The following TEKT3 variants were observed in gnomAD, a reference collection of about 807,000 sequenced individuals.
The protein encoded by TEKT3 is tektin 3.
A neutral mutation model predicts 49.8 loss-of-function variants in TEKT3; 49 were observed. The observed-to-expected ratio is 0.98, with a 90% CI of 0.78 to 1.25. The LOEUF (loss-of-function observed/expected upper bound fraction) is 1.25, where lower values mean the gene tolerates loss of function less well. Ranked by LOEUF, TEKT3 falls within the 50% of genes most tolerant of loss-of-function variation. The pLI, the probability that TEKT3 is intolerant of heterozygous loss-of-function variation, is 0.00. For missense variants in TEKT3, 595 were observed against 629.5 expected, an observed-to-expected ratio of 0.95 and a Z score of 0.59; for synonymous variants, 225 against 237.2, an observed-to-expected ratio of 0.95 and a Z score of 0.47.
chr17:15,331,591 C>T lies in TEKT3; in HGVS notation c.-6G>A, dbSNP rs891249989. On this transcript the variant is annotated 5_prime_UTR_variant, in exon 3 of 9. Transcript: ENST00000395930. Reference sequence around the variant, plus strand: ...GTACAACCTACACGTTCCATGATGCCAAAACACTATTTGTAAATCTCTCCT... The same window carrying T: ...GTACAACCTACACGTTCCATGATGCTAAAACACTATTTGTAAATCTCTCCT... 1.3e-5 allele frequency: 20 copies of T among 1,596,140 alleles called. No individual in the cohort carries two copies. The highest frequency in any genetic ancestry group is 1.7e-5 in the Non-Finnish European group (20 of 1,170,182).
chr17:15,336,795 T>G (rs1052319841), intron 2 of TEKT3, among the ~76,000 whole-genome samples: 1 of 152,172 alleles, frequency 6.6e-6, no homozygotes, highest in South Asian at 2.1e-4. Context: ...AACTTTAGAA[T>G]AGCCAGTTCT....
Position 15,309,928 on chromosome 17 carries a change from A to G in TEKT3, c.1102-1110T>C, listed in dbSNP as rs145011294. Among the ~76,000 whole-genome samples, 5 of 152,244 alleles carry G rather than the reference A, an allele frequency of 3.3e-5. No homozygotes were observed. The East Asian group carries it at 9.7e-4, about 29-fold the overall frequency. On this transcript the variant is annotated intron_variant, in intron 7 of 8. Transcript: ENST00000395930. ...ACTACTCCTCATTCCCTTCCAGTGC[A>G]AGGCTTTGTCCTTGGGTGATGTCTC...
rs150849106 is a variant in TEKT3 at position 15,308,673 on chromosome 17, G to C, written c.1247C>G (p.Ala416Gly). ...TCCCCTCCCACCTTACCGTAGCTGA[G>C]CCATGTCTCGGCACAACTCAATGTT... ...RPNIELCRDM[A>G]QLRLVNEVHE... The change falls in exon 8 of 9, where the codon GCT becomes GGT. Residue 416 changes from alanine (A) to glycine (G), a missense_variant. Transcript: ENST00000395930. 5.8e-5 allele frequency: 93 copies of C among 1,607,144 alleles called. No homozygotes were observed. The highest frequency in any genetic ancestry group is 7.2e-5 in the Non-Finnish European group (85 of 1,175,390).
intron 5 of TEKT3, 102 bp downstream of exon 5, chr17:15,318,973 CTG>C (rs147287710): frequency 1.5e-4 from 126 of 850,258 alleles, no homozygotes; most frequent in Admixed American, 2.8e-4. Flanking sequence ...GTGTATATGC[CTG>C]TGTGTGTGTC....
At chr17:15,309,042 T>C (rs992744621) in intron 7 of TEKT3, among the ~76,000 whole-genome samples, 1 of 152,038 alleles carries the variant, frequency 6.6e-6, no homozygotes, top group African/African-American at 2.4e-5. Flanking sequence ...GGCGCCTCTC[T>C]CCCCAACCCT....
intron 2 of TEKT3, among the ~76,000 whole-genome samples, chr17:15,335,949 T>C (rs1911962401): frequency 6.6e-6 from 1 of 152,014 alleles, no homozygotes; most frequent in Non-Finnish European, 1.5e-5. Context: ...TGGTAACCTA[T>C]GGTGCAATAG....
Position 15,303,897 on chromosome 17 carries a change from C to T in TEKT3, c.*39G>A, listed in dbSNP as rs11659076. 3 of 1,589,804 alleles carry T rather than the reference C, an allele frequency of 1.9e-6. No homozygotes were observed. The highest frequency in any genetic ancestry group is 2.6e-6 in the Non-Finnish European group (3 of 1,159,438). On this transcript the variant is annotated 3_prime_UTR_variant, in exon 9 of 9. Coordinates refer to ENST00000395930, the MANE Select transcript of TEKT3 (RefSeq NM_031898.3). Reference sequence around the variant, plus strand: ...TGCTGAGACAGTGCTCTGGCTCAGCCTTAACTTAGGGGTATCAAAACCACA... The same window carrying T: ...TGCTGAGACAGTGCTCTGGCTCAGCTTTAACTTAGGGGTATCAAAACCACA...
At chr17:15,313,991 C>T in intron 6 of TEKT3, 96 bp downstream of exon 6, 2 of 1,559,688 alleles carry the variant, frequency 1.3e-6, no homozygotes, top group Non-Finnish European at 1.7e-6. Context: ...AGATATCTTA[C>T]CTTGCTTTCC....
intron 4 of TEKT3, among the ~76,000 whole-genome samples, chr17:15,324,593 G>T (rs1422190666): frequency 6.6e-6 from 1 of 151,974 alleles, no homozygotes; most frequent in African/African-American, 2.4e-5. Flanking sequence ...CAGCCAACTT[G>T]TTATTTTCTA....
chr17:15,331,313 G>A lies in TEKT3; in HGVS notation c.273C>T (p.Phe91=). Residue 91 remains phenylalanine, a synonymous_variant, in exon 3 of 9, where the codon TTC becomes TTT. Coordinates refer to ENST00000395930, the MANE Select transcript of TEKT3 (RefSeq NM_031898.3). ...LPFVSNRTTF[F]TRYTPDDWYR... is the part of the protein sequence containing the mutation. ...ACCAGTCATCCGGTGTGTATCTTGTGAAGAAAGTGGTTCTGTTGGAAACAA... is the reference window on the plus strand; with the variant it reads ...ACCAGTCATCCGGTGTGTATCTTGTAAAGAAAGTGGTTCTGTTGGAAACAA... 6.2e-7 allele frequency: 1 copy of A among 1,614,230 alleles called. No individual in the cohort carries two copies. The highest frequency in any genetic ancestry group is 8.5e-7 in the Non-Finnish European group (1 of 1,180,046).
At chr17:15,328,907 T>C (rs1465014253) in intron 3 of TEKT3, among the ~76,000 whole-genome samples, 1 of 152,228 alleles carries the variant, frequency 6.6e-6, no homozygotes, top group Non-Finnish European at 1.5e-5. Flanking sequence ...GCATAAAATA[T>C]AATGGTATGT....
At chr17:15,330,431 C>T (rs983501862) in intron 3 of TEKT3, among the ~76,000 whole-genome samples, 6 of 152,064 alleles carry the variant, frequency 3.9e-5, no homozygotes, top group African/African-American at 4.8e-5. Context: ...ACCGTCCCTT[C>T]GGCGCTGTTC....
Position 15,331,266 on chromosome 17 carries a change from T to G in TEKT3, c.320A>C (p.Tyr107Ser). 6.2e-7 allele frequency: 1 copy of G among 1,614,220 alleles called. No homozygotes were observed. The highest frequency in any genetic ancestry group is 8.5e-7 in the Non-Finnish European group (1 of 1,180,036). ...ATGTCGGGAAGTGTTGGACTCTTGATAGTTGGTTAAATTGGACCTGTACCA... is the reference window on the plus strand; with the variant it reads ...ATGTCGGGAAGTGTTGGACTCTTGAGAGTTGGTTAAATTGGACCTGTACCA... ...DDWYRSNLTN[Y>S]QESNTSRHNS... Residue 107 changes from tyrosine (Y) to serine (S), a missense_variant, in exon 3 of 9, where the codon TAT becomes TCT. Physicochemically the swap from Tyr to Ser is moderately radical, Grantham distance 144. Coordinates refer to ENST00000395930, the MANE Select transcript of TEKT3 (RefSeq NM_031898.3).
rs200793493 is a variant in TEKT3, at chr17:15,337,775, AG to A, written c.-30+2252del. ...AGAATTGCTTGAACCTGGGAGGCGG[AG>A]GTTGCAGTGAGCCGAGATCATGCCA... is the stretch of plus-strand genomic sequence containing the variant. On this transcript the variant is annotated intron_variant, in intron 2 of 8. Transcript: ENST00000395930. Among the ~76,000 whole-genome samples, 431 of 152,318 alleles carry A rather than the reference AG, an allele frequency of 2.8e-3. 4 individuals carry two copies. Among genetic ancestry groups the A allele is most frequent in the East Asian group, 0.022 (114 of 5,172 alleles).
In TEKT3 at chr17:15,330,954, A is replaced by G. The variant is rs1364189647; in HGVS notation, c.579+53T>C. On this transcript the variant is annotated intron_variant, in intron 3 of 8. Coordinates refer to ENST00000395930, the MANE Select transcript of TEKT3 (RefSeq NM_031898.3). ...AATAAATAAATAACCACAGTAACTC[A>G]ACCAGTGGGTTATAATCATAAAAAT... is the stretch of plus-strand genomic sequence containing the variant. 5 of 1,467,394 alleles carry G rather than the reference A, an allele frequency of 3.4e-6. No individual in the cohort carries two copies. The East Asian group carries it at 1.2e-4, about 34-fold the overall frequency. 90.9% of individuals were successfully genotyped at this position (1,467,394 alleles called of 1,614,324 possible).
At chr17:15,333,328 T>A (rs1391042694) in intron 2 of TEKT3, among the ~76,000 whole-genome samples, 1 of 152,238 alleles carries the variant, frequency 6.6e-6, no homozygotes, top group Non-Finnish European at 1.5e-5. Flanking sequence ...AGGACTTTGG[T>A]ACCCAAGTAC....
chr17:15,323,015 G>A (rs1257534667), intron 4 of TEKT3, among the ~76,000 whole-genome samples: 2 of 152,140 alleles, frequency 1.3e-5, no homozygotes, highest in East Asian at 3.9e-4. Context: ...AGAAGCTTCT[G>A]GTCCCACAAC....
At chr17:15,341,021 G>T (rs188153966) in intron 1 of TEKT3, among the ~76,000 whole-genome samples, 29 of 152,270 alleles carry the variant, frequency 1.9e-4, no homozygotes, top group Non-Finnish European at 3.4e-4. Context: ...AAACAGAAAC[G>T]ACTTTGGGCG....
At chr17:15,328,670 A>G (rs1465039078) in intron 3 of TEKT3, among the ~76,000 whole-genome samples, 1 of 152,214 alleles carries the variant, frequency 6.6e-6, no homozygotes, top group Non-Finnish European at 1.5e-5. Flanking sequence ...GATAGAGGTT[A>G]TAATGTTCTC....
Sources: gnomAD v4.1 joint callset for allele counts (sites outside exome capture counted in the v4.1 genomes callset) on GRCh38, gnomAD v4.1.1 for gene constraint, MANE v1.5 for transcripts, NCBI Gene and HGNC (gene_info 2026-07-23, HGNC 2026-07-21) for gene names.